Variants in PCDHGA8 observed in about 807,000 individuals in gnomAD.
PCDHGA8 encodes the protein protocadherin gamma-A8.
A neutral mutation model predicts 59.2 loss-of-function variants in PCDHGA8; 45 were observed. The ratio of observed to expected loss-of-function variants is 0.76; its 90% CI spans 0.60 to 0.98. The LOEUF is 0.98. Ranked by LOEUF, PCDHGA8 falls within the 50% of genes least tolerant of loss-of-function variation. PCDHGA8 has a pLI of 0.00. For missense variants in PCDHGA8, 1,257 were observed against 1,196.2 expected (o/e 1.05, Z -0.75); for synonymous variants, 531 against 519.0 (o/e 1.02, Z -0.32).
At chr5:141,399,821 C>T in intron 1 of PCDHGA8, 1 of 1,613,210 alleles carries the variant, frequency 6.2e-7, no homozygotes, top group Non-Finnish European at 8.5e-7. Flanking sequence ...GCGCTGGGTC[C>T]CGACGGCTCT....
intron 1 of PCDHGA8, among the ~76,000 whole-genome samples, chr5:141,469,186 G>T (rs536021769): frequency 6.6e-6 from 1 of 151,978 alleles, no homozygotes; most frequent in Admixed American, 6.6e-5. Flanking sequence ...TGAGGCAAGA[G>T]GATTGCTTGA....
At chr5:141,433,358 C>CCTATCTATCTAT (rs3074541) in intron 1 of PCDHGA8, 6,701 of 503,954 alleles carry the variant, frequency 0.013, 75 homozygotes, top group East Asian at 0.016. Context: ...CTACTGTCTG[C>CCTATCTATCTAT]CTATCTATCT....
intron 1 of PCDHGA8, among the ~76,000 whole-genome samples, chr5:141,482,866 G>A (rs768388750): frequency 2.7e-5 from 4 of 150,296 alleles, no homozygotes; most frequent in Non-Finnish European, 4.4e-5. Flanking sequence ...GAGGTCAGGA[G>A]TTTGAAACCA....
chr5:141,501,164 G>C (rs991995325), intron 2 of PCDHGA8, among the ~76,000 whole-genome samples: 32 of 152,144 alleles, frequency 2.1e-4, no homozygotes, highest in African/African-American at 7.7e-4. Context: ...ACCATCCCCA[G>C]CCTCATTTAC....
Position 141,393,348 on chromosome 5 carries a change from T to C in PCDHGA8, c.535T>C (p.Ser179Pro), listed in dbSNP as rs754496387. 16 of 1,613,730 alleles carry C rather than the reference T, an allele frequency of 9.9e-6. No individual in the cohort carries two copies. The highest frequency in any genetic ancestry group is 1.4e-5 in the Non-Finnish European group (16 of 1,179,852). Residue 179 changes from serine (S) to proline (P), a missense_variant, in exon 1 of 4, where the codon TCC (serine) becomes CCC (proline). By Grantham distance (74) the Ser-to-Pro change is moderately conservative (BLOSUM62 -1). Transcript: ENST00000398604. ...SYQLSPNHHF[S>P]LDVQTGDNGA... ...CCAGCTCAGCCCCAATCACCACTTC[T>C]CCCTGGACGTGCAGACTGGAGACAA...
Position 141,395,078 on chromosome 5 carries a change from G to A in PCDHGA8, c.2265G>A (p.Gln755=). Residue 755 remains glutamine, a synonymous_variant, in exon 1 of 4, where the codon CAG becomes CAA. Coordinates refer to ENST00000398604, the MANE Select transcript of PCDHGA8 (RefSeq NM_032088.2). ...AGGCTTTCCTGCAGACCTATTCCCA[G>A]GAAGTCTCCCTCACCGCCGACTCGC... is the stretch of plus-strand genomic sequence containing the variant. ...EVQAFLQTYS[Q]EVSLTADSRK... The A allele has an allele frequency of 1.2e-6, 2 of 1,614,126 alleles. No homozygotes were observed. The highest frequency in any genetic ancestry group is 1.7e-6 in the Non-Finnish European group (2 of 1,180,028).
intron 1 of PCDHGA8, chr5:141,416,389 T>A (rs2096020280): frequency 6.6e-6 from 1 of 152,236 alleles, no homozygotes; most frequent in Non-Finnish European, 1.5e-5. Context: ...TATTTGGGAT[T>A]CTGCTTTTGT....
rs531773756 is a variant in PCDHGA8 at position 141,417,037 on chromosome 5, TTA to T, written c.2424+21801_2424+21802del. On this transcript the variant is annotated intron_variant, in intron 1 of 3. Coordinates refer to ENST00000398604, the MANE Select transcript of PCDHGA8 (RefSeq NM_032088.2). ...ATTTTGAAAAATACAGGTTTTTTTT[TTA>T]AAAAAAACTGCTCTTGACATTGTAG... 5.9e-5 allele frequency: 9 copies of T among 151,574 alleles called. 1 individual carries two copies. Among genetic ancestry groups the T allele is most frequent in the Admixed American group, 2.0e-4 (3 of 15,204 alleles). The allele number at this position is 151,574 out of a possible 1,614,324, so 9.4% of individuals were successfully genotyped here.
At position 141,510,973 on chromosome 5, in the gene PCDHGA8, G is replaced by A. The variant is rs1448442252; in HGVS notation, c.2599G>A (p.Gly867Arg). 2 of 1,614,042 alleles carry A rather than the reference G, an allele frequency of 1.2e-6. No individual in the cohort carries two copies. Among genetic ancestry groups the A allele is most frequent in the East Asian group, 2.2e-5 (1 of 44,894 alleles). ...AGCTGCTGATGGGAGCTCCACCCTG[G>A]GAGGGGGTGCCGGCACCATGGGATT... ...SEAADGSSTL[G>R]GGAGTMGLSA... Residue 867 changes from glycine (G) to arginine (R), a missense_variant, in exon 4 of 4, where the codon GGA (glycine) becomes AGA (arginine). Gly to Arg is a moderately radical substitution (Grantham distance 125). Transcript: ENST00000398604.
rs764434052 is a variant in PCDHGA8, at chr5:141,431,792, C to T, written c.2424+36555C>T. ...TGTTCTGGACGTGAACGACAATGCC[C>T]CAGAAGTGGTCCTCACCTCTCTCGC... is the stretch of plus-strand genomic sequence containing the variant. On this transcript the variant is annotated intron_variant, in intron 1 of 3. Transcript: ENST00000398604. This position sits in a 1 kb window ranked among gnomAD's most constrained non-coding sequence, Gnocchi z 4.8. The T allele has an allele frequency of 3.7e-6, 6 of 1,614,234 alleles. No homozygotes were observed. The South Asian group carries it at 6.6e-5, about 18-fold the overall frequency.
rs372054375 is a variant in PCDHGA8, at chr5:141,490,825, A to T, written c.2425-3982A>T. 9 of 1,613,692 alleles carry T rather than the reference A, an allele frequency of 5.6e-6. No individual in the cohort carries two copies. The highest frequency in any genetic ancestry group is 3.3e-4 in the Middle Eastern group (2 of 6,062). On this transcript the variant is annotated intron_variant, in intron 1 of 3. Transcript: ENST00000398604. This position sits in a 1 kb window ranked among gnomAD's most constrained non-coding sequence, Gnocchi z 5.4. ...TACCTTTGACTATGAATTGCTGCAG[A>T]TGCTGCAGATTGTGGTGGGGGTTCG... is the stretch of plus-strand genomic sequence containing the variant.
At chr5:141,418,341 A>G (rs1407312724) in intron 1 of PCDHGA8, 1 of 1,614,006 alleles carries the variant, frequency 6.2e-7, no homozygotes, top group South Asian at 1.1e-5. Context: ...GAAGATCCTG[A>G]TATTAGTATG....
chr5:141,482,530 CAAAAA>C (rs3074545), intron 1 of PCDHGA8, among the ~76,000 whole-genome samples: 1 of 76,558 alleles, frequency 1.3e-5, no homozygotes, highest in African/African-American at 4.8e-5. Context: ...GACAGACATG[CAAAAA>C]AAAAAAAAAA....
intron 2 of PCDHGA8, among the ~76,000 whole-genome samples, chr5:141,497,643 G>A (rs773129390): frequency 6.6e-6 from 1 of 151,192 alleles, no homozygotes; most frequent in African/African-American, 2.4e-5. Context: ...AGGTTCAAGC[G>A]ATTCTCCTGC....
chr5:141,457,118 A>G (rs1427146922), intron 1 of PCDHGA8, among the ~76,000 whole-genome samples: 3 of 152,228 alleles, frequency 2.0e-5, no homozygotes, highest in Non-Finnish European at 4.4e-5. Context: ...TACGACAGCA[A>G]TGGAAACTCT....
At chr5:141,500,241 C>T (rs1284996879) in intron 2 of PCDHGA8, among the ~76,000 whole-genome samples, 18 of 150,770 alleles carry the variant, frequency 1.2e-4, no homozygotes, top group Non-Finnish European at 1.5e-5. Flanking sequence ...CGTAGCCTTG[C>T]TCTGTCACCC....
intron 1 of PCDHGA8, chr5:141,418,292 T>A: frequency 6.2e-7 from 1 of 1,613,988 alleles, no homozygotes. Context: ...AATCAGTGAA[T>A]CCGTCAGCCT....
chr5:141,479,000 T>C (rs2099485433), intron 1 of PCDHGA8, among the ~76,000 whole-genome samples: 1 of 152,244 alleles, frequency 6.6e-6, no homozygotes, highest in Non-Finnish European at 1.5e-5. Flanking sequence ...TTAAAACTAA[T>C]AGCTTTTTGA....
intron 2 of PCDHGA8, among the ~76,000 whole-genome samples, chr5:141,502,845 T>G (rs2099816267): frequency 6.8e-6 from 1 of 147,606 alleles, no homozygotes; most frequent in South Asian, 2.1e-4. Context: ...CTGGCTGAGC[T>G]GCCTAACCCT....
Sources: gnomAD v4.1 joint callset for allele counts (sites outside exome capture counted in the v4.1 genomes callset) on GRCh38, gnomAD v4.1.1 for gene constraint, Gnocchi (gnomAD v3.1) non-coding constraint, MANE v1.5 for transcripts, NCBI Gene and HGNC (gene_info 2026-07-23, HGNC 2026-07-21) for gene names.